CTNNA3: variants seen among roughly 807,000 people sequenced by gnomAD.
CTNNA3 encodes the protein catenin alpha-3.
Under a neutral mutation model 95.7 loss-of-function variants are expected in CTNNA3, and 76 were observed. That is an observed-to-expected ratio of 0.79 (90% CI 0.66 to 0.96). The LOEUF (loss-of-function observed/expected upper bound fraction) is 0.96, where lower values mean the gene tolerates loss of function less well. CTNNA3 is among the 40% of genes least tolerant of loss of function. CTNNA3 has a pLI of 0.00. For synonymous variants in CTNNA3, 431 were observed against 374.4 expected (o/e 1.15, Z -1.74); for missense variants, 1,191 against 1,089.8 (o/e 1.09, Z -1.31).
chr10:66,094,545 G>A (rs1460751962), intron 14 of CTNNA3, among the ~76,000 whole-genome samples: 1 of 152,070 alleles, frequency 6.6e-6, no homozygotes, highest in Non-Finnish European at 1.5e-5. Context: ...AACTAAAGGA[G>A]GGACCAAGAT....
chr10:66,980,323 A>G (rs1242045346), intron 7 of CTNNA3, among the ~76,000 whole-genome samples: 2 of 152,138 alleles, frequency 1.3e-5, no homozygotes, highest in Admixed American at 1.3e-4. Context: ...TCAGCAGCCA[A>G]ACACTAGGGC....
chr10:66,033,127 C>CTTT (rs1214766862), intron 15 of CTNNA3, among the ~76,000 whole-genome samples: 2 of 75,832 alleles, frequency 2.6e-5, no homozygotes, highest in Non-Finnish European at 2.8e-5. Flanking sequence ...ATTTTTTTTT[C>CTTT]TTTTTTTCTT....
At chr10:65,932,833 G>A (rs1258590304) in intron 17 of CTNNA3, among the ~76,000 whole-genome samples, 1 of 151,936 alleles carries the variant, frequency 6.6e-6, no homozygotes, top group Non-Finnish European at 1.5e-5. Context: ...TCCCCACTTG[G>A]TTTTTCTGAA....
At chr10:66,266,243 T>C (rs567134378) in intron 13 of CTNNA3, among the ~76,000 whole-genome samples, 1 of 151,914 alleles carries the variant, frequency 6.6e-6, no homozygotes, top group African/African-American at 2.4e-5. Context: ...TAGAACACCA[T>C]GTAACAATGC....
intron 5 of CTNNA3, among the ~76,000 whole-genome samples, chr10:67,482,930 A>G (rs1848294721): frequency 6.6e-6 from 1 of 152,046 alleles, no homozygotes; most frequent in Non-Finnish European, 1.5e-5. Context: ...CCCATCAATA[A>G]ACAACCCCAT....
chr10:66,295,164 A>AT (rs771901722), intron 12 of CTNNA3, among the ~76,000 whole-genome samples: 1 of 151,970 alleles, frequency 6.6e-6, no homozygotes, highest in Non-Finnish European at 1.5e-5. Flanking sequence ...TTACTGTTCA[A>AT]ATGTAAGATG....
chr10:66,079,536 T>C (rs1191053027), intron 14 of CTNNA3, among the ~76,000 whole-genome samples: 3 of 151,984 alleles, frequency 2.0e-5, no homozygotes, highest in Non-Finnish European at 4.4e-5. Context: ...AAATGTGTAA[T>C]TGAATATAAT....
At chr10:67,093,024 A>G (rs1164602104) in intron 7 of CTNNA3, among the ~76,000 whole-genome samples, 1 of 152,062 alleles carries the variant, frequency 6.6e-6, no homozygotes, top group Non-Finnish European at 1.5e-5. Context: ...TCATAGCCTT[A>G]AGAAGAATTA....
At chr10:67,720,817 A>T (rs1204517879) in intron 1 of CTNNA3, among the ~76,000 whole-genome samples, 1 of 152,046 alleles carries the variant, frequency 6.6e-6, no homozygotes, top group Non-Finnish European at 1.5e-5. Context: ...AGCCGTGTGT[A>T]GTGGCCAGCA....
At chr10:66,110,632 G>C (rs1420946584) in intron 13 of CTNNA3, among the ~76,000 whole-genome samples, 1 of 152,008 alleles carries the variant, frequency 6.6e-6, no homozygotes. Context: ...TGCTGATCTT[G>C]TTTTTATCTT....
intron 13 of CTNNA3, among the ~76,000 whole-genome samples, chr10:66,169,558 C>G (rs960471676): frequency 1.3e-5 from 2 of 152,144 alleles, no homozygotes; most frequent in African/African-American, 4.8e-5. Context: ...TTGCTGGGAT[C>G]AAATTGTAGT....
intron 7 of CTNNA3, among the ~76,000 whole-genome samples, chr10:66,953,244 C>T (rs1412288394): frequency 6.6e-6 from 1 of 152,154 alleles, no homozygotes; most frequent in African/African-American, 2.4e-5. Context: ...CATATCACTT[C>T]TGATATCACA....
intron 10 of CTNNA3, among the ~76,000 whole-genome samples, chr10:66,547,339 C>CCTTCTTTTT (rs1842065775): frequency 2.1e-4 from 2 of 9,584 alleles, no homozygotes; most frequent in Non-Finnish European, 5.6e-4. Flanking sequence ...TTTGATTTTT[C>CCTTCTTTTT]TTTCTTTCTT....
At chr10:67,560,630 C>A (rs561993673) in intron 3 of CTNNA3, among the ~76,000 whole-genome samples, 3 of 152,266 alleles carry the variant, frequency 2.0e-5, no homozygotes, top group Admixed American at 2.0e-4. Context: ...CAAATTCACA[C>A]ATAACAATAT....
intron 5 of CTNNA3, among the ~76,000 whole-genome samples, chr10:67,372,932 A>G (rs1017091021): frequency 1.8e-4 from 27 of 152,176 alleles, no homozygotes; most frequent in African/African-American, 6.3e-4. Flanking sequence ...ATGCTGAGAG[A>G]TTTTGTCACC....
At chr10:66,835,075 A>G (rs1055683168) in intron 7 of CTNNA3, among the ~76,000 whole-genome samples, 2 of 152,192 alleles carry the variant, frequency 1.3e-5, no homozygotes, top group Non-Finnish European at 2.9e-5. Context: ...AAAACTTAGT[A>G]AGACAAGGAA....
intron 7 of CTNNA3, among the ~76,000 whole-genome samples, chr10:66,822,996 G>A (rs371690773): frequency 2.0e-5 from 3 of 152,276 alleles, no homozygotes; most frequent in East Asian, 1.9e-4. Context: ...TCTATGGTAC[G>A]GCATACTGAG....
intron 5 of CTNNA3, among the ~76,000 whole-genome samples, chr10:67,250,789 A>G (rs1345804595): frequency 6.6e-6 from 1 of 152,208 alleles, no homozygotes; most frequent in East Asian, 1.9e-4. Context: ...CTTCACGCCC[A>G]CTAAGATGGC....
chr10:65,949,727 TCA>T (rs1363848008), intron 17 of CTNNA3, among the ~76,000 whole-genome samples: 4 of 152,168 alleles, frequency 2.6e-5, no homozygotes, highest in Admixed American at 1.3e-4. Context: ...TATCCTTCTC[TCA>T]GTCAGTTATT....
Sources: allele counts gnomAD v4.1 joint callset (sites outside exome capture counted in the v4.1 genomes callset), GRCh38; gene constraint gnomAD v4.1.1; transcripts MANE v1.5; gene names NCBI Gene and HGNC (gene_info 2026-07-23, HGNC 2026-07-21).